The following LDB2 variants were observed in gnomAD, a reference collection of about 807,000 sequenced individuals.
LDB2 encodes the protein LIM domain binding 2.
Under a neutral mutation model 44.3 loss-of-function variants are expected in LDB2, and 12 were observed. The ratio of observed to expected loss-of-function variants is 0.27; its 90% CI spans 0.17 to 0.44. The LOEUF is 0.44. Among genes scored for constraint, LDB2 ranks in the 20% least tolerant of loss-of-function variants. LDB2 has a pLI of 1.00. For missense variants in LDB2, 344 were observed against 473.5 expected, an observed-to-expected ratio of 0.73 and a Z score of 2.54; for synonymous variants, 164 against 174.8, an observed-to-expected ratio of 0.94 and a Z score of 0.49.
At chr4:16,564,624 G>T (rs531796699) in intron 5 of LDB2, among the ~76,000 whole-genome samples, 1 of 152,194 alleles carries the variant, frequency 6.6e-6, no homozygotes, top group Non-Finnish European at 1.5e-5. Flanking sequence ...TTTTCTAAGG[G>T]ATCTTTCTTT....
At chr4:16,569,907 T>C (rs919775065) in intron 5 of LDB2, among the ~76,000 whole-genome samples, 2 of 152,170 alleles carry the variant, frequency 1.3e-5, no homozygotes, top group Non-Finnish European at 2.9e-5. Context: ...CATACAGGGC[T>C]GTTTATGAAT....
At chr4:16,843,909 C>G (rs946482019) in intron 1 of LDB2, among the ~76,000 whole-genome samples, 1 of 151,982 alleles carries the variant, frequency 6.6e-6, no homozygotes, top group Admixed American at 6.6e-5. Context: ...TGAGCTGCCA[C>G]GCCCAGCAAA....
chr4:16,670,794 T>A (rs1242182533), intron 2 of LDB2, among the ~76,000 whole-genome samples: 1 of 152,234 alleles, frequency 6.6e-6, no homozygotes, highest in African/African-American at 2.4e-5. Context: ...TTAAAATATA[T>A]GTCGCTCATA....
intron 1 of LDB2, among the ~76,000 whole-genome samples, chr4:16,853,746 AGGGAAAAGAAACTGTG>A (rs1340275366): frequency 6.6e-6 from 1 of 152,170 alleles, no homozygotes; most frequent in African/African-American, 2.4e-5. Context: ...AGTGGATGAC[AGGGAAAAGAAACTGTG>A]GTACATATAT....
chr4:16,868,530 G>A (rs1715443570), intron 1 of LDB2, among the ~76,000 whole-genome samples: 1 of 152,156 alleles, frequency 6.6e-6, no homozygotes, highest in African/African-American at 2.4e-5. Context: ...ATCAAAGTCT[G>A]GTGGCAGAAT....
Position 16,582,171 on chromosome 4 carries a change from T to A in LDB2, c.615+3751A>T, listed in dbSNP as rs978800347. Among the ~76,000 whole-genome samples the A allele has an allele frequency of 6.6e-6, 1 of 151,916 alleles. No homozygotes were observed. The highest frequency in any genetic ancestry group is 2.4e-5 in the African/African-American group (1 of 41,342). On this transcript the variant is annotated intron_variant, in intron 5 of 7. Transcript: ENST00000304523. This position sits in a 1 kb window ranked among gnomAD's most constrained non-coding sequence, Gnocchi z 4.8. ...CCTGGGAGCAATTTCTCTCCAAGAG[T>A]GTATTTGTTTTTCTTTCTTACATTC...
intron 5 of LDB2, among the ~76,000 whole-genome samples, chr4:16,583,821 T>G (rs1715691227): frequency 6.6e-6 from 1 of 152,186 alleles, no homozygotes; most frequent in Admixed American, 6.5e-5. Context: ...GATCATTCCC[T>G]GGGCTATCTC....
rs557301436 is a variant in LDB2 at position 16,570,292 on chromosome 4, T to A, written c.615+15630A>T. On this transcript the variant is annotated intron_variant, in intron 5 of 7. Coordinates refer to ENST00000304523, the MANE Select transcript of LDB2 (RefSeq NM_001290.5). ...CCCTGGCTAACACGGTGAAACCCCA[T>A]CTCTACTAAAAATACAAAAAATTAG... Among the ~76,000 whole-genome samples, 8 of 150,446 alleles carry A rather than the reference T, an allele frequency of 5.3e-5. No homozygotes were observed. In the South Asian group the frequency reaches 1.7e-3, roughly 32 times the overall value.
intron 1 of LDB2, among the ~76,000 whole-genome samples, chr4:16,838,279 C>T (rs745864528): frequency 2.1e-4 from 32 of 152,222 alleles, no homozygotes; most frequent in Non-Finnish European, 3.8e-4. Flanking sequence ...AAATTAAAAA[C>T]GGAGATCAGC....
chr4:16,607,065 T>G (rs1191771664), intron 2 of LDB2, among the ~76,000 whole-genome samples: 2 of 152,204 alleles, frequency 1.3e-5, no homozygotes, highest in Non-Finnish European at 2.9e-5. Context: ...GGTTGGATAT[T>G]ATACAAGACA....
At chr4:16,739,568 A>G (rs1200727907) in intron 2 of LDB2, among the ~76,000 whole-genome samples, 4 of 89,362 alleles carry the variant, frequency 4.5e-5, no homozygotes, top group Admixed American at 1.1e-4. Context: ...CCTCGGTGAC[A>G]GAGGGAAAAA....
intron 5 of LDB2, among the ~76,000 whole-genome samples, chr4:16,580,288 G>A (rs1001466715): frequency 2.6e-5 from 4 of 152,174 alleles, no homozygotes; most frequent in African/African-American, 7.2e-5. Context: ...AAGGTGTGGT[G>A]AAGCAGAGCA....
intron 1 of LDB2, among the ~76,000 whole-genome samples, chr4:16,812,585 TATATA>T (rs1561312537): frequency 6.4e-4 from 3 of 4,724 alleles, no homozygotes; most frequent in Non-Finnish European, 0.017. Flanking sequence ...AATGAAATTA[TATATA>T]TATATATATA....
intron 1 of LDB2, among the ~76,000 whole-genome samples, chr4:16,761,158 A>G (rs1464019231): frequency 6.6e-6 from 1 of 152,162 alleles, no homozygotes; most frequent in Non-Finnish European, 1.5e-5. Context: ...AGCTGCTCAT[A>G]TTATCTCTAC....
intron 1 of LDB2, among the ~76,000 whole-genome samples, chr4:16,811,415 C>T (rs1291839973): frequency 6.6e-6 from 1 of 152,150 alleles, no homozygotes; most frequent in African/African-American, 2.4e-5. Flanking sequence ...AATTATTCTA[C>T]TATATTGGTT....
intron 1 of LDB2, among the ~76,000 whole-genome samples, chr4:16,863,204 T>C (rs1713332971): frequency 6.6e-6 from 1 of 152,208 alleles, no homozygotes; most frequent in Non-Finnish European, 1.5e-5. Flanking sequence ...CAACAACTTA[T>C]TAATTTAATT....
At chr4:16,591,651 T>A (rs961363580) in intron 3 of LDB2, among the ~76,000 whole-genome samples, 1 of 152,100 alleles carries the variant, frequency 6.6e-6, no homozygotes. Context: ...GTACCCAGCA[T>A]AGAAATTAAA....
intron 1 of LDB2, among the ~76,000 whole-genome samples, chr4:16,819,093 TGTGTGTGTGTG>T (rs532322211): frequency 0.069 from 453 of 6,568 alleles, 5 homozygotes; most frequent in Admixed American, 0.075. Flanking sequence ...TGTGGTTGCT[TGTGTGTGTGTG>T]TGTGTGTGTG....
intron 6 of LDB2, among the ~76,000 whole-genome samples, chr4:16,511,001 A>G (rs1721521335): frequency 1.3e-5 from 2 of 152,216 alleles, no homozygotes; most frequent in Non-Finnish European, 2.9e-5. Flanking sequence ...AATATATTTG[A>G]AAAATAATAT....
Sources: allele counts gnomAD v4.1 joint callset (sites outside exome capture counted in the v4.1 genomes callset), GRCh38; gene constraint gnomAD v4.1.1; non-coding constraint Gnocchi (gnomAD v3.1); transcripts MANE v1.5; gene names NCBI Gene and HGNC (gene_info 2026-07-23, HGNC 2026-07-21).